NPR3: variants seen among roughly 807,000 people sequenced by gnomAD.
NPR3 encodes atrial natriuretic peptide receptor 3.
A neutral mutation model predicts 54.5 loss-of-function variants in NPR3; 34 were observed. That is an observed-to-expected ratio of 0.62 (90% CI 0.47 to 0.83). The LOEUF (loss-of-function observed/expected upper bound fraction) is 0.83, where lower values mean the gene tolerates loss of function less well. Among genes scored for constraint, NPR3 ranks in the 40% least tolerant of loss-of-function variants. The pLI is 0.00. For missense variants in NPR3, 674 were observed against 720.8 expected (o/e 0.94, Z 0.74); for synonymous variants, 289 against 297.1 (o/e 0.97, Z 0.28).
chr5:32,711,973 T>A lies in NPR3; in HGVS notation c.197T>A (p.Leu66Ter). 1.2e-6 allele frequency: 2 copies of A among 1,605,170 alleles called. No homozygotes were observed. Among genetic ancestry groups the A allele is most frequent in the Non-Finnish European group, 1.7e-6 (2 of 1,175,750 alleles). ...LVLLPQDDSY[L>*]FSLTRVRPAI... ...TTACTGCCCCAGGATGACTCGTACT[T>A]GTTTTCACTCACCCGGGTGCGGCCG... Residue 66 changes from leucine to a stop codon, truncating the protein, a stop_gained, in exon 1 of 8, where the codon TTG becomes TAG. Transcript: ENST00000265074. LOFTEE classifies it high-confidence loss of function.
intron 6 of NPR3, 139 bp from the exon 7 acceptor site, chr5:32,784,657 G>C (rs1742513762): frequency 4.6e-6 from 3 of 646,016 alleles, no homozygotes; most frequent in South Asian, 1.9e-5. Context: ...ACAAGTGTAG[G>C]GTCCCTTAGA....
At chr5:32,783,404 CCAAA>C (rs1742439527) in intron 6 of NPR3, 2 of 175,136 alleles carry the variant, frequency 1.1e-5, no homozygotes, top group Non-Finnish European at 2.4e-5. Flanking sequence ...CTCCTCAGAA[CCAAA>C]GAGATAACAT....
intron 3 of NPR3, among the ~76,000 whole-genome samples, chr5:32,755,492 A>G (rs1008505369): frequency 2.0e-5 from 3 of 152,156 alleles, no homozygotes; most frequent in African/African-American, 7.2e-5. Context: ...TTCTCTGGGT[A>G]AGGTATTGTA....
At chr5:32,698,043 C>T (rs962180118) in intron 1 of NPR3, among the ~76,000 whole-genome samples, 4 of 151,650 alleles carry the variant, frequency 2.6e-5, no homozygotes, top group Non-Finnish European at 5.9e-5. Flanking sequence ...GTTTGATTTT[C>T]TCTTCCTTTT....
At position 32,711,812 on chromosome 5, in the gene NPR3, C is replaced by A; in HGVS notation, c.36C>A (p.Cys12Ter). 3 of 1,447,416 alleles carry A rather than the reference C, an allele frequency of 2.1e-6. No individual in the cohort carries two copies. Among genetic ancestry groups the A allele is most frequent in the Non-Finnish European group, 2.7e-6 (3 of 1,100,368 alleles). 89.7% of individuals were successfully genotyped at this position (1,447,416 alleles called of 1,614,324 possible). The change falls in exon 1 of 8, where the codon TGC becomes TGA. Residue 12 changes from cysteine to a stop codon, truncating the protein, a stop_gained. Coordinates refer to ENST00000265074, the MANE Select transcript of NPR3 (RefSeq NM_001204375.2). LOFTEE classifies it high-confidence loss of function. ...TGCTGGTGCTCACTTTCTCCCCGTG[C>A]GTACTACTCGGCTGGGCGTTGCTGG... ...PSLLVLTFSP[C>*]VLLGWALLAG...
intron 2 of NPR3, among the ~76,000 whole-genome samples, chr5:32,729,655 C>T (rs188104423): frequency 6.6e-6 from 1 of 152,172 alleles, no homozygotes; most frequent in African/African-American, 2.4e-5. Flanking sequence ...TAAACCTATA[C>T]AGCAAGTTAC....
chr5:32,748,351 T>C (rs1248275669), intron 3 of NPR3, among the ~76,000 whole-genome samples: 1 of 152,170 alleles, frequency 6.6e-6, no homozygotes, highest in Non-Finnish European at 1.5e-5. Context: ...GGATTTAATA[T>C]GAGGAATTAC....
chr5:32,710,271 TCCAGAGAAGGAGCG>T (rs1738140462), upstream of NPR3: 1 of 153,426 alleles, frequency 6.5e-6, no homozygotes, highest in African/African-American at 2.4e-5. Context: ...CCTCGAGCGC[TCCAGAGAAGGAGCG>T]GTTGGATCTT....
intron 3 of NPR3, among the ~76,000 whole-genome samples, chr5:32,745,481 A>G (rs568141033): frequency 6.6e-6 from 1 of 152,298 alleles, no homozygotes; most frequent in Non-Finnish European, 1.5e-5. Flanking sequence ...ATTTGGTTTT[A>G]GAATGCACTG....
intron 1 of NPR3, among the ~76,000 whole-genome samples, chr5:32,697,907 C>G (rs996501923): frequency 6.6e-6 from 1 of 151,646 alleles, no homozygotes; most frequent in African/African-American, 2.4e-5. Context: ...AAAGGTTTGT[C>G]GATTTTCTTT....
intron 3 of NPR3, among the ~76,000 whole-genome samples, chr5:32,761,293 C>G (rs1021220954): frequency 1.3e-5 from 2 of 151,980 alleles, no homozygotes; most frequent in Non-Finnish European, 2.9e-5. Flanking sequence ...CTTAAATATA[C>G]TGAGTCTTTC....
chr5:32,713,820 C>T (rs1466242281), intron 1 of NPR3, among the ~76,000 whole-genome samples: 3 of 152,230 alleles, frequency 2.0e-5, no homozygotes, highest in African/African-American at 7.2e-5. Context: ...TCGGACTCAC[C>T]CTTTAGAGCA....
upstream of NPR3, among the ~76,000 whole-genome samples, chr5:32,711,060 C>T (rs1422496507): frequency 1.3e-5 from 2 of 151,930 alleles, no homozygotes; most frequent in Admixed American, 6.5e-5. Flanking sequence ...CAGACGTGGG[C>T]GATTTCAGCT....
In NPR3 at chr5:32,739,165, C is replaced by CTGTG. The variant is rs552222462; in HGVS notation, c.1059+151_1059+154dup. The CTGTG allele has an allele frequency of 5.7e-6, 4 of 707,500 alleles. No individual in the cohort carries two copies. The East Asian group carries it at 1.2e-4, about 21-fold the overall frequency. The allele number at this position is 707,500 out of a possible 1,614,324, so 43.8% of individuals were successfully genotyped here. A position where few individuals can be genotyped will look rare whatever the true frequency, so the allele number is the denominator to read the frequency against. ...CAGGTCTGAATGTCACTGTTGCCTT[C>CTGTG]TGTGTGTGTGTGTGTGTGTTTTTTT... is the stretch of plus-strand genomic sequence containing the variant. On this transcript the variant is annotated intron_variant, in intron 3 of 7. Transcript: ENST00000265074.
intron 3 of NPR3, among the ~76,000 whole-genome samples, chr5:32,774,069 G>A (rs1157663070): frequency 6.6e-6 from 1 of 152,180 alleles, no homozygotes; most frequent in African/African-American, 2.4e-5. Context: ...TGTCATTGGA[G>A]CTTGGCAGGG....
At chr5:32,714,077 C>A (rs184520637) in intron 1 of NPR3, among the ~76,000 whole-genome samples, 1 of 152,270 alleles carries the variant, frequency 6.6e-6, no homozygotes, top group African/African-American at 2.4e-5. Context: ...GGTGTCTGCG[C>A]CCCGGGCTGC....
rs116428214 is a variant in NPR3, at chr5:32,713,562, C to A, written c.769+1017C>A. The A allele has an allele frequency of 6.6e-4, 528 of 795,886 alleles. 1 individual carries two copies. In the African/African-American group the frequency reaches 9.1e-3, roughly 14 times the overall value. 49.3% of individuals were successfully genotyped at this position (795,886 alleles called of 1,614,324 possible). On this transcript the variant is annotated intron_variant, in intron 1 of 7. Transcript: ENST00000265074. ...TCTCTGCTCCCCCTTGGCGCTCACG[C>A]GCCTGGAATGTGAGTGGTGCAATCC...
chr5:32,738,788 C>T, intron 2 of NPR3, 76 bp from the exon 3 acceptor site: 1 of 1,362,068 alleles, frequency 7.3e-7, no homozygotes. Flanking sequence ...GCGGGGGCGC[C>T]TCACAGTTGT....
intron 1 of NPR3, 102 bp downstream of exon 1, chr5:32,712,647 C>A: frequency 1.7e-6 from 2 of 1,167,976 alleles, no homozygotes; most frequent in Non-Finnish European, 2.4e-6. Context: ...CCCACTGCGG[C>A]GCTGAGGTCG....
Sources: allele counts gnomAD v4.1 joint callset (sites outside exome capture counted in the v4.1 genomes callset), GRCh38; gene constraint gnomAD v4.1.1; transcripts MANE v1.5; gene names NCBI Gene and HGNC (gene_info 2026-07-23, HGNC 2026-07-21).